Variants in GAB2 observed in about 807,000 individuals in gnomAD.
GAB2 encodes the protein GRB2 associated binding protein 2, also known as GRB2-associated-binding protein 2.
Under a neutral mutation model 65.5 loss-of-function variants are expected in GAB2, and 26 were observed. That is an observed-to-expected ratio of 0.40 (90% CI 0.29 to 0.55). The LOEUF (loss-of-function observed/expected upper bound fraction) is 0.55, where lower values mean the gene tolerates loss of function less well. GAB2 is among the 20% of genes least tolerant of loss of function. GAB2 has a pLI of 0.53. For missense variants in GAB2, 884 were observed against 875.8 expected, an observed-to-expected ratio of 1.01 and a Z score of -0.12; for synonymous variants, 321 against 329.6, an observed-to-expected ratio of 0.97 and a Z score of 0.28.
intron 1 of GAB2, among the ~76,000 whole-genome samples, chr11:78,289,339 C>G (rs1410105594): frequency 6.6e-6 from 1 of 152,166 alleles, no homozygotes; most frequent in East Asian, 1.9e-4. Flanking sequence ...CTAAGTCTCA[C>G]ATCTTATACA....
At chr11:78,282,385 C>CA (rs1426305800) in intron 1 of GAB2, among the ~76,000 whole-genome samples, 3 of 151,412 alleles carry the variant, frequency 2.0e-5, no homozygotes, top group Admixed American at 2.0e-4. Flanking sequence ...TGGCTCATTG[C>CA]AACCTCTGCC....
intron 1 of GAB2, among the ~76,000 whole-genome samples, chr11:78,374,612 A>C (rs895965882): frequency 6.6e-6 from 1 of 152,228 alleles, no homozygotes; most frequent in African/African-American, 2.4e-5. Flanking sequence ...CATTACGCTG[A>C]ATGCTAAAAA....
At chr11:78,378,928 T>C (rs1358436284) in intron 1 of GAB2, among the ~76,000 whole-genome samples, 1 of 152,228 alleles carries the variant, frequency 6.6e-6, no homozygotes, top group African/African-American at 2.4e-5. Flanking sequence ...GCTGAGGGAA[T>C]GCAATGTGCT....
At position 78,262,905 on chromosome 11, in the gene GAB2, G is replaced by T. The variant is rs11237431; in HGVS notation, c.377-12505C>A. 5.1e-4 allele frequency among the ~76,000 whole-genome samples: 77 copies of T among 152,306 alleles called. No homozygotes were observed. In the East Asian group the frequency reaches 0.015, roughly 29 times the overall value. On this transcript the variant is annotated intron_variant, in intron 2 of 9. Transcript: ENST00000361507. ...CATACATTACATCTGGTCTGTTTCT[G>T]TGGTTTCACTAGAACACAGCTGTAT...
intron 1 of GAB2, among the ~76,000 whole-genome samples, chr11:78,328,852 T>C (rs1014296388): frequency 6.6e-6 from 1 of 152,188 alleles, no homozygotes; most frequent in Non-Finnish European, 1.5e-5. Flanking sequence ...TATAGTCTGA[T>C]AGGAGCTTTA....
At chr11:78,368,306 G>C (rs1856524869) in intron 1 of GAB2, among the ~76,000 whole-genome samples, 1 of 152,138 alleles carries the variant, frequency 6.6e-6, no homozygotes, top group African/African-American at 2.4e-5. Context: ...GATTAATACT[G>C]TTCATGAATA....
chr11:78,302,175 A>G (rs1867040983), intron 1 of GAB2, among the ~76,000 whole-genome samples: 1 of 152,214 alleles, frequency 6.6e-6, no homozygotes, highest in African/African-American at 2.4e-5. Flanking sequence ...GGTAATAAAA[A>G]CAAAGATAAA....
At chr11:78,335,967 C>T (rs1855990231) in intron 1 of GAB2, among the ~76,000 whole-genome samples, 2 of 151,688 alleles carry the variant, frequency 1.3e-5, no homozygotes. Context: ...TAAATTAATT[C>T]CTAGGCATTT....
rs1864168219 is a variant in GAB2, at chr11:78,216,743, G to A, written c.*2529C>T. The A allele has an allele frequency of 6.6e-6, 1 of 152,392 alleles. No individual in the cohort carries two copies. The highest frequency in any genetic ancestry group is 1.9e-4 in the East Asian group (1 of 5,186). The allele number at this position is 152,392 out of a possible 1,614,324, so 9.4% of individuals were successfully genotyped here. A position where few individuals can be genotyped will look rare whatever the true frequency, so the allele number is the denominator to read the frequency against. On this transcript the variant is annotated 3_prime_UTR_variant, in exon 10 of 10. Transcript: ENST00000361507. ...GAACATGCTCACATGTTTATGGGAG[G>A]CTGCAATAGTCTGGGCCCACTTGTG... is the stretch of plus-strand genomic sequence containing the variant.
chr11:78,338,560 G>A (rs1856040744), intron 1 of GAB2, among the ~76,000 whole-genome samples: 1 of 152,172 alleles, frequency 6.6e-6, no homozygotes, highest in Non-Finnish European at 1.5e-5. Flanking sequence ...ATATTCCTGA[G>A]ATAAATGCTT....
At chr11:78,228,098 G>A (rs549935990) in intron 3 of GAB2, among the ~76,000 whole-genome samples, 4 of 152,340 alleles carry the variant, frequency 2.6e-5, no homozygotes, top group Admixed American at 6.5e-5. Context: ...TACGTGCTGT[G>A]TGTATCACCA....
At chr11:78,281,826 AT>A (rs1344087614) in intron 1 of GAB2, among the ~76,000 whole-genome samples, 1 of 152,214 alleles carries the variant, frequency 6.6e-6, no homozygotes, top group Non-Finnish European at 1.5e-5. Context: ...AACTCACAGC[AT>A]TTTTAGGCAA....
intron 1 of GAB2, among the ~76,000 whole-genome samples, chr11:78,317,848 C>A (rs973948284): frequency 1.3e-4 from 20 of 151,734 alleles, no homozygotes; most frequent in Admixed American, 5.9e-4. Context: ...GTTTTGTCAA[C>A]CATTAAAAAA....
chr11:78,366,726 A>C (rs1239586345), intron 1 of GAB2, among the ~76,000 whole-genome samples: 1 of 148,468 alleles, frequency 6.7e-6, no homozygotes, highest in African/African-American at 2.4e-5. Context: ...TATTTTCTCC[A>C]AGCCCTATCC....
intron 1 of GAB2, among the ~76,000 whole-genome samples, chr11:78,343,474 A>T (rs993791731): frequency 1.3e-5 from 2 of 152,072 alleles, no homozygotes; most frequent in Non-Finnish European, 2.9e-5. Context: ...ATAAGGGCAA[A>T]AAGACAGACT....
chr11:78,266,380 CAAT>C (rs1160351270), intron 2 of GAB2, among the ~76,000 whole-genome samples: 2 of 152,094 alleles, frequency 1.3e-5, no homozygotes, highest in Non-Finnish European at 2.9e-5. Flanking sequence ...CTTCCAGCCT[CAAT>C]AAACTGTCTC....
intron 1 of GAB2, among the ~76,000 whole-genome samples, chr11:78,404,593 C>G (rs1857017193): frequency 6.6e-6 from 1 of 152,230 alleles, no homozygotes; most frequent in Non-Finnish European, 1.5e-5. Flanking sequence ...ATAATGAAAT[C>G]CTGCCATTCG....
intron 1 of GAB2, among the ~76,000 whole-genome samples, chr11:78,300,635 C>T (rs73496778): frequency 0.037 from 5,530 of 148,428 alleles, 297 homozygotes; most frequent in African/African-American, 0.12. Context: ...GTCATTATGG[C>T]GACTGTAGGG....
chr11:78,219,679 C>T (rs1447803902), intron 9 of GAB2, among the ~76,000 whole-genome samples: 1 of 152,186 alleles, frequency 6.6e-6, no homozygotes, highest in Non-Finnish European at 1.5e-5. Context: ...GACCCAGGCC[C>T]TTCCTTGGCC....
Sources: gnomAD v4.1 joint callset for allele counts (sites outside exome capture counted in the v4.1 genomes callset) on GRCh38, gnomAD v4.1.1 for gene constraint, MANE v1.5 for transcripts, NCBI Gene and HGNC (gene_info 2026-07-23, HGNC 2026-07-21) for gene names.